The following CNTN5 variants were observed in gnomAD, a reference collection of about 807,000 sequenced individuals.
The protein encoded by CNTN5 is contactin 5.
A neutral mutation model predicts 129.1 loss-of-function variants in CNTN5; 77 were observed. The ratio of observed to expected loss-of-function variants is 0.60; its 90% CI spans 0.50 to 0.72. The LOEUF (loss-of-function observed/expected upper bound fraction) is 0.72. CNTN5 is among the 30% of genes least tolerant of loss of function. CNTN5 has a pLI of 0.00. For missense variants in CNTN5, 1,478 were observed against 1,328.8 expected (o/e 1.11, Z -1.75); for synonymous variants, 509 against 465.6 (o/e 1.09, Z -1.20).
chr11:99,784,150 C>T (rs1227667206), intron 3 of CNTN5, among the ~76,000 whole-genome samples: 2 of 151,938 alleles, frequency 1.3e-5, no homozygotes, highest in Admixed American at 6.6e-5. Flanking sequence ...GAACTTTTTA[C>T]TATTATTATT....
chr11:99,467,531 G>A (rs56778751), intron 2 of CNTN5, among the ~76,000 whole-genome samples: 3 of 151,972 alleles, frequency 2.0e-5, no homozygotes, highest in East Asian at 1.9e-4. Context: ...TCATCTGCTC[G>A]GTTAACTCAT....
chr11:99,652,237 A>G (rs1952183230), intron 3 of CNTN5, among the ~76,000 whole-genome samples: 1 of 152,018 alleles, frequency 6.6e-6, no homozygotes, highest in Non-Finnish European at 1.5e-5. Flanking sequence ...CACCTCCTAG[A>G]AGCTGTCCTC....
At chr11:99,155,786 A>C (rs1860305776) in intron 1 of CNTN5, among the ~76,000 whole-genome samples, 1 of 152,210 alleles carries the variant, frequency 6.6e-6, no homozygotes, top group African/African-American at 2.4e-5. Flanking sequence ...GAACAGAGTC[A>C]AGACAGTGAC....
At chr11:99,964,515 A>G (rs1250029746) in intron 8 of CNTN5, among the ~76,000 whole-genome samples, 2 of 152,132 alleles carry the variant, frequency 1.3e-5, no homozygotes, top group Non-Finnish European at 2.9e-5. Flanking sequence ...AGCCCACTTG[A>G]TAGTGGTGGA....
At chr11:100,037,548 A>G (rs1406133255) in intron 9 of CNTN5, among the ~76,000 whole-genome samples, 17 of 152,106 alleles carry the variant, frequency 1.1e-4, no homozygotes, top group Non-Finnish European at 2.5e-4. Context: ...GAATGGTACC[A>G]GCTCCTCCTT....
At chr11:99,765,386 C>G (rs1555103659) in intron 3 of CNTN5, among the ~76,000 whole-genome samples, 1 of 151,490 alleles carries the variant, frequency 6.6e-6, no homozygotes, top group Non-Finnish European at 1.5e-5. Context: ...GAAACACATA[C>G]TGAGTATGAG....
At chr11:99,933,366 A>T (rs564574399) in intron 7 of CNTN5, among the ~76,000 whole-genome samples, 1 of 152,300 alleles carries the variant, frequency 6.6e-6, no homozygotes, top group African/African-American at 2.4e-5. Flanking sequence ...ATTAACATAT[A>T]ATGAACATCA....
intron 4 of CNTN5, among the ~76,000 whole-genome samples, chr11:99,834,460 CGGCTGCAGT>C (rs1431019252): frequency 6.6e-6 from 1 of 152,080 alleles, no homozygotes; most frequent in East Asian, 1.9e-4. Flanking sequence ...CAGGAGGTTG[CGGCTGCAGT>C]GAGCCATGAT....
At chr11:100,073,340 C>A (rs1591183995) in intron 12 of CNTN5, among the ~76,000 whole-genome samples, 1 of 152,076 alleles carries the variant, frequency 6.6e-6, no homozygotes, top group Non-Finnish European at 1.5e-5. Context: ...AGCCACCAGG[C>A]CTGGCTAATT....
chr11:99,999,512 T>G (rs1268292559), intron 8 of CNTN5, among the ~76,000 whole-genome samples: 1 of 152,100 alleles, frequency 6.6e-6, no homozygotes, highest in East Asian at 1.9e-4. Flanking sequence ...AAACAACAGG[T>G]GCTGGAGAGG....
At chr11:100,215,906 C>T (rs928962930) in intron 15 of CNTN5, among the ~76,000 whole-genome samples, 2 of 152,094 alleles carry the variant, frequency 1.3e-5, no homozygotes, top group African/African-American at 4.8e-5. Context: ...ACAGGTGGAG[C>T]TCTTCTAGTT....
At chr11:100,318,446 T>C (rs188320325) in intron 21 of CNTN5, among the ~76,000 whole-genome samples, 89 of 152,122 alleles carry the variant, frequency 5.9e-4, no homozygotes, top group Admixed American at 1.4e-3. Flanking sequence ...AAATCACAAA[T>C]GTAGAGAGCA....
At chr11:99,792,618 A>T (rs1455400532) in intron 3 of CNTN5, among the ~76,000 whole-genome samples, 1 of 144,054 alleles carries the variant, frequency 6.9e-6, no homozygotes, top group Non-Finnish European at 1.5e-5. Flanking sequence ...TGGTATTAAG[A>T]TGATGCTGGC....
chr11:99,071,662 T>C (rs1053427345), intron 1 of CNTN5, among the ~76,000 whole-genome samples: 1 of 152,152 alleles, frequency 6.6e-6, no homozygotes, highest in Admixed American at 6.6e-5. Context: ...CTATAAATTA[T>C]ATTTTTATTT....
intron 3 of CNTN5, among the ~76,000 whole-genome samples, chr11:99,784,795 GT>G (rs55715264): frequency 0.38 from 36,001 of 93,760 alleles, 6,112 homozygotes; most frequent in Non-Finnish European, 0.45. Context: ...ATCTCATTGT[GT>G]TTTTTTTTTT....
At chr11:99,568,252 T>C (rs549237646) in intron 3 of CNTN5, among the ~76,000 whole-genome samples, 1 of 152,330 alleles carries the variant, frequency 6.6e-6, no homozygotes, top group Non-Finnish European at 1.5e-5. Context: ...CTTTCAACAA[T>C]AATACATCCT....
At chr11:99,189,163 T>C (rs115530202) in intron 1 of CNTN5, among the ~76,000 whole-genome samples, 1,662 of 151,774 alleles carry the variant, frequency 0.011, 38 homozygotes, top group African/African-American at 0.038. Context: ...AATAACAGGA[T>C]TTCTTTCTTA....
intron 6 of CNTN5, among the ~76,000 whole-genome samples, chr11:99,874,173 C>T (rs1012288814): frequency 3.3e-5 from 5 of 152,100 alleles, no homozygotes; most frequent in Non-Finnish European, 7.4e-5. Context: ...ATCCATGTGA[C>T]AAACAAGCAC....
intron 2 of CNTN5, among the ~76,000 whole-genome samples, chr11:99,418,422 A>G (rs952938730): frequency 6.6e-6 from 1 of 152,184 alleles, no homozygotes; most frequent in African/African-American, 2.4e-5. Flanking sequence ...AAGCCATTAA[A>G]GACCTGGAAA....
Sources: gnomAD v4.1 joint callset for allele counts (sites outside exome capture counted in the v4.1 genomes callset) on GRCh38, gnomAD v4.1.1 for gene constraint, MANE v1.5 for transcripts, NCBI Gene and HGNC (gene_info 2026-07-23, HGNC 2026-07-21) for gene names.